Variants in STK33 observed in about 807,000 individuals in gnomAD.
The protein encoded by STK33 is serine/threonine-protein kinase 33.
STK33 carries 52 observed loss-of-function variants against 58.0 expected under a neutral mutation model. That is an observed-to-expected ratio of 0.90 (90% CI 0.72 to 1.13). STK33 has a LOEUF of 1.13. STK33 is among the 50% of genes most tolerant of loss of function. The pLI is 0.00. For synonymous variants in STK33, 215 were observed against 200.1 expected (o/e 1.07, Z -0.63); for missense variants, 630 against 604.2 (o/e 1.04, Z -0.45).
chr11:8,502,178 T>A (rs1951563598), intron 1 of STK33, among the ~76,000 whole-genome samples: 1 of 152,114 alleles, frequency 6.6e-6, no homozygotes, highest in Non-Finnish European at 1.5e-5. Context: ...AAAAATTAAG[T>A]CGTCCCTAAA....
At chr11:8,335,759 T>C in the STK33 span, among the ~76,000 whole-genome samples, 3 of 152,356 alleles carry the variant, frequency 2.0e-5, no homozygotes, top group East Asian at 3.9e-4. Flanking sequence ...CAAAACATTA[T>C]CATTTCAACA....
At chr11:8,532,542 A>G (rs185834385) in intron 1 of STK33, among the ~76,000 whole-genome samples, 1 of 152,342 alleles carries the variant, frequency 6.6e-6, no homozygotes, top group African/African-American at 2.4e-5. Flanking sequence ...TCCAAACTTA[A>G]GCAGACTTTT....
At chr11:8,385,302 C>A in the STK33 span, among the ~76,000 whole-genome samples, 1 of 152,188 alleles carries the variant, frequency 6.6e-6, no homozygotes. Flanking sequence ...AGACGTCGAG[C>A]CCTCAATGGC....
intron 1 of STK33, among the ~76,000 whole-genome samples, chr11:8,544,043 G>A (rs1301531683): frequency 6.6e-6 from 1 of 151,802 alleles, no homozygotes; most frequent in African/African-American, 2.4e-5. Context: ...TAAGTTCTGG[G>A]ATATATGTGC....
At chr11:8,503,929 G>A (rs1951693868) in intron 1 of STK33, among the ~76,000 whole-genome samples, 1 of 152,106 alleles carries the variant, frequency 6.6e-6, no homozygotes, top group East Asian at 1.9e-4. Flanking sequence ...AAATAGGTAG[G>A]ACTCTTTTTC....
chr11:8,371,260 G>A, the STK33 span, among the ~76,000 whole-genome samples: 2 of 152,098 alleles, frequency 1.3e-5, no homozygotes, highest in Non-Finnish European at 2.9e-5. Context: ...AATGACTGGT[G>A]TCCTTAGAGG....
chr11:8,551,614 T>C (rs889974264), intron 1 of STK33, among the ~76,000 whole-genome samples: 1 of 152,208 alleles, frequency 6.6e-6, no homozygotes, highest in African/African-American at 2.4e-5. Context: ...AGGTGTTCTT[T>C]CGTGGTGTTA....
chr11:8,533,992 G>A (rs1426829104), intron 1 of STK33, among the ~76,000 whole-genome samples: 5 of 152,088 alleles, frequency 3.3e-5, no homozygotes, highest in African/African-American at 1.2e-4. Flanking sequence ...AACTGTATAT[G>A]TGCCGGAGCC....
At chr11:8,513,089 C>T (rs986190269) in intron 1 of STK33, among the ~76,000 whole-genome samples, 1 of 152,130 alleles carries the variant, frequency 6.6e-6, no homozygotes. Context: ...AATAATGATG[C>T]ATATAAGTTG....
chr11:8,375,833 C>A, the STK33 span, among the ~76,000 whole-genome samples: 7 of 152,272 alleles, frequency 4.6e-5, no homozygotes, highest in African/African-American at 1.7e-4. Context: ...TGAGGCCTCT[C>A]CAGCCATGTG....
At chr11:8,545,811 T>C (rs976731895) in intron 1 of STK33, among the ~76,000 whole-genome samples, 1 of 152,180 alleles carries the variant, frequency 6.6e-6, no homozygotes, top group African/African-American at 2.4e-5. Context: ...ACCTCCTAAT[T>C]TCAAAATACA....
chr11:8,498,602 C>G (rs1951248187), intron 1 of STK33, among the ~76,000 whole-genome samples: 1 of 152,044 alleles, frequency 6.6e-6, no homozygotes, highest in South Asian at 2.1e-4. Context: ...TCATATGGAA[C>G]CAAAAAAGAG....
the STK33 span, among the ~76,000 whole-genome samples, chr11:8,367,583 G>T: frequency 6.6e-6 from 1 of 152,220 alleles, no homozygotes; most frequent in African/African-American, 2.4e-5. Context: ...AAATGGAGTA[G>T]TAGAGAAGGG....
At chr11:8,485,966 GA>G (rs1448312756) in intron 1 of STK33, among the ~76,000 whole-genome samples, 2 of 152,026 alleles carry the variant, frequency 1.3e-5, no homozygotes, top group African/African-American at 4.8e-5. Context: ...ATTCAACATT[GA>G]CAAGTCCATT....
rs936275480 is a variant in STK33 at position 8,440,691 on chromosome 11, C to A, written c.934G>T (p.Val312Leu). The change falls in exon 12 of 16, where the codon GTA becomes TTA. Residue 312 changes from valine (V) to leucine (L), a missense_variant. Transcript: ENST00000687296. Reference protein sequence around the residue: ...QQCDIWSIGVVMYMLLRGEPP... With the variant: ...QQCDIWSIGVLMYMLLRGEPP... ...CAGGCTACTTACAACATGTACATTA[C>A]GACGCCTATGCTCCAAATGTCACAC... The A allele has an allele frequency of 5.1e-6, 8 of 1,565,260 alleles. No homozygotes were observed. The Admixed American group carries it at 5.6e-5, about 11-fold the overall frequency.
chr11:8,482,196 C>T (rs725502), intron 1 of STK33, among the ~76,000 whole-genome samples: 83,659 of 151,984 alleles, frequency 0.55, 23,411 homozygotes, highest in African/African-American at 0.66. Flanking sequence ...TAGAATGTCA[C>T]AGCTGAGGAA....
At chr11:8,372,732 C>T in the STK33 span, among the ~76,000 whole-genome samples, 1 of 152,228 alleles carries the variant, frequency 6.6e-6, no homozygotes, top group Admixed American at 6.5e-5. Flanking sequence ...TGTGGGGTTG[C>T]CCACTACAGC....
chr11:8,527,764 C>A (rs1020942067), intron 1 of STK33, among the ~76,000 whole-genome samples: 1 of 152,076 alleles, frequency 6.6e-6, no homozygotes, highest in African/African-American at 2.4e-5. Context: ...CAGAAGCAAC[C>A]ACAATAGCAA....
intron 1 of STK33, among the ~76,000 whole-genome samples, chr11:8,525,461 T>C (rs1159339242): frequency 6.6e-6 from 1 of 152,218 alleles, no homozygotes; most frequent in African/African-American, 2.4e-5. Flanking sequence ...TATAGTCACT[T>C]GATTTAAAAC....
Sources: allele counts gnomAD v4.1 joint callset (sites outside exome capture counted in the v4.1 genomes callset), GRCh38; gene constraint gnomAD v4.1.1; transcripts MANE v1.5; gene names NCBI Gene and HGNC (gene_info 2026-07-23, HGNC 2026-07-21).